The following PDE3B variants were observed in gnomAD, a reference collection of about 807,000 sequenced individuals.
PDE3B encodes the protein cGMP-inhibited 3',5'-cyclic phosphodiesterase 3B.
Under a neutral mutation model 116.8 loss-of-function variants are expected in PDE3B, and 66 were observed. That is an observed-to-expected ratio of 0.56 (90% CI 0.46 to 0.69). The LOEUF (loss-of-function observed/expected upper bound fraction) is 0.69. Among genes scored for constraint, PDE3B ranks in the 30% least tolerant of loss-of-function variants. PDE3B has a pLI of 0.00. For synonymous variants in PDE3B, 595 were observed against 533.6 expected (o/e 1.12, Z -1.59); for missense variants, 1,384 against 1,368.1 (o/e 1.01, Z -0.18).
Position 14,795,418 on chromosome 11 carries a change from C to T in PDE3B, c.1415+6176C>T, listed in dbSNP as rs149503667. On this transcript the variant is annotated intron_variant, in intron 4 of 15. Transcript: ENST00000282096. ...ACTATTAGTAGTCATTGGAACTACT[C>T]GTCTGCTTGTCTTCTGCTTTCTTCG... Among the ~76,000 whole-genome samples the T allele has an allele frequency of 2.8e-4, 42 of 152,294 alleles. No individual in the cohort carries two copies. In the East Asian group the frequency reaches 7.5e-3, roughly 27 times the overall value.
In PDE3B at chr11:14,663,456, CAAT is replaced by C. The variant is rs771651502; in HGVS notation, c.978+18405_978+18407del. ...ATGACAGGATCAAATTCACACATAACAATATTAACTTTAAATGTAAATGGGCTA... is the reference window on the plus strand; with the variant it reads ...ATGACAGGATCAAATTCACACATAACATTAACTTTAAATGTAAATGGGCTA... On this transcript the variant is annotated intron_variant, in intron 1 of 15. Transcript: ENST00000282096. Among the ~76,000 whole-genome samples, 371 of 152,200 alleles carry C rather than the reference CAAT, an allele frequency of 2.4e-3. 1 individual carries two copies. The highest frequency in any genetic ancestry group is 4.1e-3 in the Admixed American group (63 of 15,294).
the PDE3B span, chr11:14,892,082 C>G: frequency 6.2e-7 from 1 of 1,611,800 alleles, no homozygotes; most frequent in Non-Finnish European, 8.5e-7. Flanking sequence ...CCCGGCGGCC[C>G]CGGGGGGAAG....
chr11:14,810,914 G>T (rs1163282092), intron 5 of PDE3B, among the ~76,000 whole-genome samples: 2 of 147,564 alleles, frequency 1.4e-5, no homozygotes, highest in Non-Finnish European at 3.0e-5. Context: ...TTCTCGGATG[G>T]CCAGTGATGA....
chr11:14,727,494 A>C (rs1281324465), intron 1 of PDE3B, among the ~76,000 whole-genome samples: 1 of 152,112 alleles, frequency 6.6e-6, no homozygotes, highest in Non-Finnish European at 1.5e-5. Flanking sequence ...TCTGTCTTTA[A>C]GTTAACAAAG....
chr11:14,848,822 G>A (rs1847672538), intron 12 of PDE3B, among the ~76,000 whole-genome samples: 1 of 152,152 alleles, frequency 6.6e-6, no homozygotes, highest in Non-Finnish European at 1.5e-5. Flanking sequence ...ACAAACCACT[G>A]CTCAATGAAA....
intron 1 of PDE3B, among the ~76,000 whole-genome samples, chr11:14,651,438 G>A (rs1403249): frequency 0.64 from 97,443 of 152,054 alleles, 31,348 homozygotes; most frequent in Middle Eastern, 0.7. Context: ...ATACAATTCA[G>A]CCCATGTAGG....
chr11:14,674,579 C>T (rs994610611), intron 1 of PDE3B: 9 of 334,394 alleles, frequency 2.7e-5, no homozygotes, highest in African/African-American at 2.0e-4. Context: ...GCTGTCTCCT[C>T]CTTCTCCTAC....
chr11:14,761,747 A>C (rs2133888013), intron 1 of PDE3B, among the ~76,000 whole-genome samples: 1 of 152,240 alleles, frequency 6.6e-6, no homozygotes, highest in South Asian at 2.1e-4. Flanking sequence ...AATTTTAATC[A>C]CAATTACCAT....
intron 1 of PDE3B, among the ~76,000 whole-genome samples, chr11:14,749,358 G>T (rs905799463): frequency 6.6e-6 from 1 of 151,996 alleles, no homozygotes; most frequent in Non-Finnish European, 1.5e-5. Context: ...GCTTATGCAG[G>T]TACTGATCCA....
intron 13 of PDE3B, 130 bp downstream of exon 13, chr11:14,859,376 AAT>A: frequency 1.8e-6 from 1 of 569,176 alleles, no homozygotes; most frequent in South Asian, 2.8e-5. Context: ...GATATAAAAT[AAT>A]ATATATGCCT....
chr11:14,660,220 G>A (rs1195458764), intron 1 of PDE3B, among the ~76,000 whole-genome samples: 2 of 151,954 alleles, frequency 1.3e-5, no homozygotes, highest in Admixed American at 6.6e-5. Context: ...AAAATATTTA[G>A]GAGAGTTCAC....
chr11:14,879,174 GC>G, the PDE3B span: 1 of 1,613,146 alleles, frequency 6.2e-7, no homozygotes, highest in South Asian at 1.1e-5. Flanking sequence ...TCCAGAAATC[GC>G]TCAGGATGGA....
At position 14,832,790 on chromosome 11, in the gene PDE3B, G is replaced by A; in HGVS notation, c.2163G>A (p.Met721Ile). 6.5e-7 allele frequency: 1 copy of A among 1,543,046 alleles called. No homozygotes were observed. Among genetic ancestry groups the A allele is most frequent in the South Asian group, 1.2e-5 (1 of 86,666 alleles). ...EIFKIPTQQF[M>I]NYFRALENGY... ...TTAAAATTCCCACTCAACAATTTATGAACTATTTTCGTGCATTAGAAAATG... is the reference window on the plus strand; with the variant it reads ...TTAAAATTCCCACTCAACAATTTATAAACTATTTTCGTGCATTAGAAAATG... The change falls in exon 10 of 16, where the codon ATG becomes ATA. Residue 721 changes from methionine (M) to isoleucine (I), a missense_variant. This residue lies in a region of PDE3B where 428 missense variants were observed against 561.4 expected (regional missense o/e 0.76). Coordinates refer to ENST00000282096, the MANE Select transcript of PDE3B (RefSeq NM_000922.4).
intron 1 of PDE3B, among the ~76,000 whole-genome samples, chr11:14,666,987 A>G (rs1044563748): frequency 1.3e-5 from 2 of 151,858 alleles, no homozygotes; most frequent in Non-Finnish European, 3.0e-5. Context: ...ATGCACACGT[A>G]TGTTTATTGC....
At chr11:14,777,464 T>C (rs944634174) in intron 2 of PDE3B, among the ~76,000 whole-genome samples, 8 of 152,126 alleles carry the variant, frequency 5.3e-5, no homozygotes, top group African/African-American at 1.7e-4. Context: ...ATTAAACTTA[T>C]GAAAGCTAAA....
rs372775370 is a variant in PDE3B at position 14,644,514 on chromosome 11, C to G, written c.439C>G (p.Arg147Gly). 5 of 1,608,688 alleles carry G rather than the reference C, an allele frequency of 3.1e-6. No individual in the cohort carries two copies. Among genetic ancestry groups the G allele is most frequent in the South Asian group, 2.2e-5 (2 of 90,376 alleles). Residue 147 changes from arginine (R) to glycine (G), a missense_variant, in exon 1 of 16, where the codon CGG becomes GGG. Around this residue, in one of 2 missense-constraint regions of PDE3B, gnomAD observed 956 missense variants for 806.8 expected, o/e 1.18. Coordinates refer to ENST00000282096, the MANE Select transcript of PDE3B (RefSeq NM_000922.4). ...GACCAAGCGGGGACCCGGCCCGGGC[C>G]GGAGCTGCGGCTCCTGGTGGCTGCT... ...TRTKRGPGPG[R>G]SCGSWWLLAL...
the PDE3B span, among the ~76,000 whole-genome samples, chr11:14,881,328 A>G: frequency 6.6e-6 from 1 of 152,120 alleles, no homozygotes; most frequent in African/African-American, 2.4e-5. Context: ...AAGGGCAAAC[A>G]TGAAGCTCAA....
At chr11:14,652,409 A>G (rs1266896580) in intron 1 of PDE3B, among the ~76,000 whole-genome samples, 1 of 152,114 alleles carries the variant, frequency 6.6e-6, no homozygotes, top group South Asian at 2.1e-4. Context: ...TGAAATCATG[A>G]AGTTTGAGAC....
At chr11:14,766,294 A>G (rs919584609) in intron 1 of PDE3B, among the ~76,000 whole-genome samples, 2 of 151,634 alleles carry the variant, frequency 1.3e-5, no homozygotes, top group Non-Finnish European at 3.0e-5. Flanking sequence ...CCAAAATTAT[A>G]ATTTATGAGG....
Sources: gnomAD v4.1 joint callset for allele counts (sites outside exome capture counted in the v4.1 genomes callset) on GRCh38, gnomAD v4.1.1 for gene constraint, gnomAD v4.1.1 regional missense constraint, MANE v1.5 for transcripts, NCBI Gene and HGNC (gene_info 2026-07-23, HGNC 2026-07-21) for gene names.